The following ST6GALNAC3 variants were observed in gnomAD, a reference collection of about 807,000 sequenced individuals.
ST6GALNAC3 encodes the protein alpha-N-acetylgalactosaminide alpha-2,6-sialyltransferase 3.
Under a neutral mutation model 32.7 loss-of-function variants are expected in ST6GALNAC3, and 25 were observed. The ratio of observed to expected loss-of-function variants is 0.76; its 90% CI spans 0.56 to 1.07. ST6GALNAC3 has a LOEUF of 1.07. Among genes scored for constraint, ST6GALNAC3 ranks in the 50% least tolerant of loss-of-function variants. The pLI is 0.00. For synonymous variants in ST6GALNAC3, 129 were observed against 133.1 expected, an observed-to-expected ratio of 0.97 and a Z score of 0.21; for missense variants, 355 against 382.4, an observed-to-expected ratio of 0.93 and a Z score of 0.60.
At chr1:76,418,918 G>A (rs1405173265) in intron 3 of ST6GALNAC3, among the ~76,000 whole-genome samples, 1 of 150,204 alleles carries the variant, frequency 6.7e-6, no homozygotes, top group Non-Finnish European at 1.5e-5. Context: ...ATACAAATGC[G>A]CTGGAAATTA....
At chr1:76,263,838 T>A (rs1658380992) in intron 1 of ST6GALNAC3, among the ~76,000 whole-genome samples, 1 of 152,176 alleles carries the variant, frequency 6.6e-6, no homozygotes, top group South Asian at 2.1e-4. Context: ...CTTTTTTTTT[T>A]TTAAGCCTTT....
In ST6GALNAC3 at chr1:76,263,677, T is replaced by C. The variant is rs551513519; in HGVS notation, c.19-50128T>C. ...TTTCTCAGCTCCACTGTCTCATTCT[T>C]TTGGAGACTTCTGGGTAAACACATT... On this transcript the variant is annotated intron_variant, in intron 1 of 4. Coordinates refer to ENST00000328299, the MANE Select transcript of ST6GALNAC3 (RefSeq NM_152996.4). 3.3e-5 allele frequency among the ~76,000 whole-genome samples: 5 copies of C among 152,370 alleles called. 1 individual carries two copies. The South Asian group carries it at 6.2e-4, about 19-fold the overall frequency.
In ST6GALNAC3 at chr1:76,294,361, T is replaced by TAA. The variant is rs141480427; in HGVS notation, c.19-19435_19-19434dup. On this transcript the variant is annotated intron_variant, in intron 1 of 4. Transcript: ENST00000328299. ...TTTTTGGTCTGAGCATATTTTTTAT[T>TAA]AAAAAAAAAACCTTTGAAATATTTT... 3.4e-4 allele frequency among the ~76,000 whole-genome samples: 51 copies of TAA among 148,340 alleles called. 1 individual carries two copies. The highest frequency in any genetic ancestry group is 3.8e-4 in the Non-Finnish European group (25 of 66,610).
At chr1:76,515,636 A>T (rs1662129522) in intron 3 of ST6GALNAC3, among the ~76,000 whole-genome samples, 6 of 152,056 alleles carry the variant, frequency 3.9e-5, no homozygotes, top group Admixed American at 3.9e-4. Flanking sequence ...GTCTCAAGGA[A>T]TTTTTAAATT....
At chr1:76,603,079 T>C (rs1252404081) in intron 3 of ST6GALNAC3, among the ~76,000 whole-genome samples, 1 of 152,132 alleles carries the variant, frequency 6.6e-6, no homozygotes, top group East Asian at 1.9e-4. Context: ...AGTCTGAAAA[T>C]ATAAGTACTA....
chr1:76,181,230 A>T (rs1190218309), intron 1 of ST6GALNAC3, among the ~76,000 whole-genome samples: 1 of 152,198 alleles, frequency 6.6e-6, no homozygotes, highest in Non-Finnish European at 1.5e-5. Flanking sequence ...CACCGTTGTT[A>T]ATATTGATAG....
intron 1 of ST6GALNAC3, among the ~76,000 whole-genome samples, chr1:76,227,264 A>G (rs936362368): frequency 2.6e-5 from 4 of 152,192 alleles, no homozygotes; most frequent in African/African-American, 7.2e-5. Flanking sequence ...AACAACCAGC[A>G]TGGTGGTGGT....
intron 2 of ST6GALNAC3, among the ~76,000 whole-genome samples, chr1:76,387,987 T>C (rs1652230106): frequency 6.6e-6 from 1 of 152,068 alleles, no homozygotes; most frequent in African/African-American, 2.4e-5. Flanking sequence ...GGAGCAGAAA[T>C]CCTAAGTTTC....
chr1:76,151,946 C>T (rs1651071969), intron 1 of ST6GALNAC3, among the ~76,000 whole-genome samples: 1 of 152,174 alleles, frequency 6.6e-6, no homozygotes, highest in African/African-American at 2.4e-5. Context: ...GGCTTCCTGA[C>T]TCTTGCTGCA....
chr1:76,565,186 GACA>G (rs937387554), intron 3 of ST6GALNAC3, among the ~76,000 whole-genome samples: 15 of 152,218 alleles, frequency 9.9e-5, no homozygotes, highest in South Asian at 2.1e-4. Flanking sequence ...TGCCTATGCT[GACA>G]ACAACTGAGG....
chr1:76,417,648 A>G (rs888152451), intron 3 of ST6GALNAC3, among the ~76,000 whole-genome samples: 6 of 152,138 alleles, frequency 3.9e-5, no homozygotes, highest in Non-Finnish European at 8.8e-5. Context: ...TAGGTGGGCA[A>G]TTGCAGCTTG....
At chr1:76,266,603 A>G (rs1658540784) in intron 1 of ST6GALNAC3, among the ~76,000 whole-genome samples, 1 of 152,202 alleles carries the variant, frequency 6.6e-6, no homozygotes, top group South Asian at 2.1e-4. Flanking sequence ...GGGATAAAAG[A>G]GCAACAGTTG....
chr1:76,271,074 G>A (rs1658817580), intron 1 of ST6GALNAC3, among the ~76,000 whole-genome samples: 1 of 152,126 alleles, frequency 6.6e-6, no homozygotes, highest in Non-Finnish European at 1.5e-5. Flanking sequence ...TGCCTTGTTT[G>A]TTTTATAAAT....
chr1:76,572,315 C>T (rs1646714502), intron 3 of ST6GALNAC3, among the ~76,000 whole-genome samples: 1 of 152,012 alleles, frequency 6.6e-6, no homozygotes, highest in African/African-American at 2.4e-5. Flanking sequence ...GAAGCAGTGC[C>T]TGTGACATAT....
At chr1:76,304,773 G>T (rs1660942964) in intron 1 of ST6GALNAC3, among the ~76,000 whole-genome samples, 1 of 152,048 alleles carries the variant, frequency 6.6e-6, no homozygotes, top group Admixed American at 6.6e-5. Flanking sequence ...TTTCATCATT[G>T]TCGGGATGCC....
At chr1:76,496,519 T>C (rs1358130297) in intron 3 of ST6GALNAC3, among the ~76,000 whole-genome samples, 39 of 152,090 alleles carry the variant, frequency 2.6e-4, no homozygotes, top group Non-Finnish European at 2.9e-5. Context: ...CAAGAACTTG[T>C]AGCAAGAGCA....
intron 3 of ST6GALNAC3, among the ~76,000 whole-genome samples, chr1:76,440,102 T>C (rs1210668910): frequency 1.3e-5 from 2 of 152,192 alleles, no homozygotes; most frequent in African/African-American, 4.8e-5. Context: ...CAAAAGATAT[T>C]GTGGACTTTT....
chr1:76,240,527 T>C (rs995242163), intron 1 of ST6GALNAC3, among the ~76,000 whole-genome samples: 6 of 152,208 alleles, frequency 3.9e-5, no homozygotes, highest in African/African-American at 1.2e-4. Flanking sequence ...GGAATGTAAG[T>C]AGAAGTGATG....
In ST6GALNAC3 at chr1:76,358,406, C is replaced by A. The variant is rs183117799; in HGVS notation, c.213+44407C>A. On this transcript the variant is annotated intron_variant, in intron 2 of 4. Coordinates refer to ENST00000328299, the MANE Select transcript of ST6GALNAC3 (RefSeq NM_152996.4). ...TTAATGAATGACTTTGCAGCCTTCCCTGTATTAAGTCAAAATTCTGGAAGT... is the reference window on the plus strand; with the variant it reads ...TTAATGAATGACTTTGCAGCCTTCCATGTATTAAGTCAAAATTCTGGAAGT... 6.8e-3 allele frequency among the ~76,000 whole-genome samples: 1,031 copies of A among 152,272 alleles called. 7 individuals carry two copies. The highest frequency in any genetic ancestry group is 0.024 in the African/African-American group (1,009 of 41,550).
Sources: allele counts gnomAD v4.1 joint callset (sites outside exome capture counted in the v4.1 genomes callset), GRCh38; gene constraint gnomAD v4.1.1; transcripts MANE v1.5; gene names NCBI Gene and HGNC (gene_info 2026-07-23, HGNC 2026-07-21).